SLC24A3: variants seen among roughly 807,000 people sequenced by gnomAD.
The protein encoded by SLC24A3 is solute carrier family 24 member 3, also known as sodium/potassium/calcium exchanger 3.
In SLC24A3, 28 loss-of-function variants were observed where a neutral mutation model predicts 75.8. The observed-to-expected ratio is 0.37, with a 90% CI of 0.27 to 0.51. SLC24A3 has a LOEUF of 0.51. SLC24A3 is among the 20% of genes least tolerant of loss of function. SLC24A3 has a pLI of 0.94. For synonymous variants in SLC24A3, 372 were observed against 334.1 expected (o/e 1.11, Z -1.24); for missense variants, 663 against 847.8 (o/e 0.78, Z 2.71).
chr20:19,461,420 TATACATATATGTTCACAC>T (rs1987669261), intron 2 of SLC24A3, among the ~76,000 whole-genome samples: 6 of 44,808 alleles, frequency 1.3e-4, no homozygotes, highest in South Asian at 8.6e-4. Context: ...TGTACGCACA[TATACATATATGTTCACAC>T]ATATTATGTA....
intron 6 of SLC24A3, among the ~76,000 whole-genome samples, chr20:19,623,987 A>G: frequency 6.6e-6 from 1 of 152,182 alleles, no homozygotes; most frequent in East Asian, 1.9e-4. Context: ...CTTTTCCTGA[A>G]CTGGCCTGAC....
rs1055268098 is a variant in SLC24A3 at position 19,219,359 on chromosome 20, G to A, written c.142+6375G>A. On this transcript the variant is annotated intron_variant, in intron 1 of 16. Transcript: ENST00000328041. ...GAGTTCCTGCCCGGACCCCAGTTGC[G>A]TAAGACACGGGGACCTTCACCCATT... Among the ~76,000 whole-genome samples, 5 of 152,144 alleles carry A rather than the reference G, an allele frequency of 3.3e-5. No homozygotes were observed. In the East Asian group the frequency reaches 5.8e-4, roughly 18 times the overall value.
At chr20:19,703,895 C>G (rs2032899898) in intron 15 of SLC24A3, among the ~76,000 whole-genome samples, 1 of 152,180 alleles carries the variant, frequency 6.6e-6, no homozygotes, top group Non-Finnish European at 1.5e-5. Flanking sequence ...CCAAGGGCTT[C>G]TTTCTTTCTC....
intron 3 of SLC24A3, among the ~76,000 whole-genome samples, chr20:19,564,462 G>A (rs1221796463): frequency 2.6e-5 from 4 of 151,982 alleles, no homozygotes. Flanking sequence ...CATCATCCTT[G>A]TCTCCACCAT....
At chr20:19,720,955 T>C in intron 16 of SLC24A3, 36 bp from the exon 17 acceptor site, 1 of 1,609,952 alleles carries the variant, frequency 6.2e-7, no homozygotes, top group Non-Finnish European at 8.5e-7. Flanking sequence ...TGCTGCCTCC[T>C]CCTGGTGCCC....
intron 6 of SLC24A3, among the ~76,000 whole-genome samples, chr20:19,636,131 C>T (rs2032000086): frequency 6.9e-6 from 1 of 144,568 alleles, no homozygotes; most frequent in African/African-American, 2.8e-5. Context: ...CAGAGCGAGA[C>T]TCCATCTCAA....
At chr20:19,345,496 C>T (rs1482454059) in intron 2 of SLC24A3, among the ~76,000 whole-genome samples, 1 of 152,094 alleles carries the variant, frequency 6.6e-6, no homozygotes, top group African/African-American at 2.4e-5. Context: ...GAGACTTCAA[C>T]ACTCACTGTA....
chr20:19,362,026 T>G (rs911775721), intron 2 of SLC24A3, among the ~76,000 whole-genome samples: 1 of 152,182 alleles, frequency 6.6e-6, no homozygotes, highest in Non-Finnish European at 1.5e-5. Flanking sequence ...TTTAGAAATC[T>G]TAAGTTCTGG....
chr20:19,698,553 C>G lies in SLC24A3; in HGVS notation c.1607-15C>G, dbSNP rs965353915. The G allele has an allele frequency of 2.6e-6, 4 of 1,560,578 alleles. No homozygotes were observed. The East Asian group carries it at 9.5e-5, about 37-fold the overall frequency. On this transcript the variant is annotated splice_polypyrimidine_tract_variant and intron_variant, in intron 14 of 16. Coordinates refer to ENST00000328041, the MANE Select transcript of SLC24A3 (RefSeq NM_020689.4). ...GGTTCCCTTCCCTCTCTTAAGTGAC[C>G]TCTTGTCCCTGCAGGGATGGGGGAC...
At chr20:19,394,329 T>C (rs6035320) in intron 2 of SLC24A3, among the ~76,000 whole-genome samples, 76 of 152,222 alleles carry the variant, frequency 5.0e-4, no homozygotes, top group African/African-American at 1.7e-3. Context: ...ACCAAAACCA[T>C]AGGCAACAAA....
chr20:19,352,799 G>A (rs958678118), intron 2 of SLC24A3, among the ~76,000 whole-genome samples: 1 of 152,142 alleles, frequency 6.6e-6, no homozygotes, highest in Non-Finnish European at 1.5e-5. Flanking sequence ...AGTCTTTAAG[G>A]TCATCACTCA....
chr20:19,456,636 G>A (rs545862150), intron 2 of SLC24A3, among the ~76,000 whole-genome samples: 48 of 152,358 alleles, frequency 3.2e-4, no homozygotes, highest in South Asian at 1.4e-3. Flanking sequence ...CCACATTGCT[G>A]TGAGATGGCC....
At chr20:19,610,309 A>G (rs2031656148) in intron 6 of SLC24A3, among the ~76,000 whole-genome samples, 1 of 152,176 alleles carries the variant, frequency 6.6e-6, no homozygotes, top group Non-Finnish European at 1.5e-5. Context: ...TTGCTTCTCC[A>G]AGGTGTACAA....
At chr20:19,622,264 G>A (rs1270445421) in intron 6 of SLC24A3, among the ~76,000 whole-genome samples, 1 of 152,210 alleles carries the variant, frequency 6.6e-6, no homozygotes, top group Non-Finnish European at 1.5e-5. Context: ...GGAGACCAGA[G>A]TGAACTCAGG....
At chr20:19,611,960 C>T (rs6136792) in intron 6 of SLC24A3, among the ~76,000 whole-genome samples, 24,082 of 152,154 alleles carry the variant, frequency 0.16, 1,928 homozygotes, top group East Asian at 0.26. Context: ...CCCTGCCTGC[C>T]CACCTTGGTT....
At chr20:19,373,902 G>A (rs748345243) in intron 2 of SLC24A3, among the ~76,000 whole-genome samples, 2 of 152,098 alleles carry the variant, frequency 1.3e-5, no homozygotes, top group Non-Finnish European at 2.9e-5. Flanking sequence ...GTCTATCTAC[G>A]AACCCTAGAT....
intron 3 of SLC24A3, among the ~76,000 whole-genome samples, chr20:19,533,314 C>T (rs1216354705): frequency 1.3e-5 from 2 of 152,182 alleles, no homozygotes; most frequent in East Asian, 1.9e-4. Flanking sequence ...TACGCAGAAG[C>T]TTGAATCTCC....
intron 6 of SLC24A3, among the ~76,000 whole-genome samples, chr20:19,652,211 G>GA (rs1353305937): frequency 6.6e-6 from 1 of 151,968 alleles, no homozygotes; most frequent in African/African-American, 2.4e-5. Context: ...TGTCCTGATC[G>GA]AAAAAACCCT....
intron 15 of SLC24A3, among the ~76,000 whole-genome samples, chr20:19,710,891 A>C (rs970921523): frequency 6.6e-6 from 1 of 152,264 alleles, no homozygotes; most frequent in Non-Finnish European, 1.5e-5. Context: ...TTATGCCTCA[A>C]TTAAAAAGCA....
Sources: gnomAD v4.1 joint callset for allele counts (sites outside exome capture counted in the v4.1 genomes callset) on GRCh38, gnomAD v4.1.1 for gene constraint, MANE v1.5 for transcripts, NCBI Gene and HGNC (gene_info 2026-07-23, HGNC 2026-07-21) for gene names.